The following CAPN7 variants were observed in gnomAD, a reference collection of about 807,000 sequenced individuals.
CAPN7 encodes the protein calpain-7.
CAPN7 carries 72 observed loss-of-function variants against 115.2 expected under a neutral mutation model. The ratio of observed to expected loss-of-function variants is 0.63; its 90% CI spans 0.52 to 0.76. The LOEUF is 0.76. CAPN7 is among the 30% of genes least tolerant of loss of function. The pLI is 0.00. For missense variants in CAPN7, 905 were observed against 971.5 expected (o/e 0.93, Z 0.91); for synonymous variants, 344 against 322.3 (o/e 1.07, Z -0.72).
rs548299729 is a variant in CAPN7, at chr3:15,245,419, G to T, written c.1865-107G>T. The T allele has an allele frequency of 4.2e-6, 4 of 959,280 alleles. No homozygotes were observed. In the East Asian group the frequency reaches 1.0e-4, roughly 24 times the overall value. The allele number at this position is 959,280 out of a possible 1,614,324, so 59.4% of individuals were successfully genotyped here. A position where few individuals can be genotyped will look rare whatever the true frequency, so the allele number is the denominator to read the frequency against. On this transcript the variant is annotated intron_variant, in intron 16 of 20. Transcript: ENST00000253693. ...CTAATATCATTATATTTTAAGGAGA[G>T]AATCAGTTAAGGAGATGTCCATCCA...
chr3:15,218,224 G>A (rs911775235), intron 3 of CAPN7, among the ~76,000 whole-genome samples: 2 of 152,190 alleles, frequency 1.3e-5, no homozygotes, highest in African/African-American at 2.4e-5. Flanking sequence ...GCGTTCCACA[G>A]CACTATGGTC....
chr3:15,250,789 G>A (rs1695961128), intron 19 of CAPN7, 142 bp from the exon 20 acceptor site: 1 of 604,146 alleles, frequency 1.7e-6, no homozygotes, highest in African/African-American at 1.9e-5. Flanking sequence ...GGTGTGTTAT[G>A]ATCAAAAATA....
chr3:15,225,337 C>G (rs138453964), intron 6 of CAPN7, among the ~76,000 whole-genome samples: 101 of 152,274 alleles, frequency 6.6e-4, no homozygotes, highest in African/African-American at 2.3e-3. Context: ...AGCGATTTAT[C>G]ATTGTTGTTA....
chr3:15,224,410 C>T (rs1423022044), intron 6 of CAPN7, among the ~76,000 whole-genome samples: 1 of 151,848 alleles, frequency 6.6e-6, no homozygotes, highest in Non-Finnish European at 1.5e-5. Flanking sequence ...ATAGCTGGGA[C>T]CGCAGGCATG....
At chr3:15,207,496 AACCTT>A (rs565878484) in intron 1 of CAPN7, among the ~76,000 whole-genome samples, 85 of 152,300 alleles carry the variant, frequency 5.6e-4, no homozygotes, top group African/African-American at 1.9e-3. Flanking sequence ...GTAATAAACT[AACCTT>A]AGCTTACGGT....
rs192276642 is a variant in CAPN7, at chr3:15,245,208, C to T, written c.1865-318C>T. 2.8e-3 allele frequency among the ~76,000 whole-genome samples: 411 copies of T among 144,802 alleles called. 5 individuals are homozygous for T. Among genetic ancestry groups the T allele is most frequent in the African/African-American group, 0.01 (391 of 37,282 alleles). The allele number at this position is 144,802 out of a possible 152,430, so 95.0% of individuals were successfully genotyped here. On this transcript the variant is annotated intron_variant, in intron 16 of 20. Coordinates refer to ENST00000253693, the MANE Select transcript of CAPN7 (RefSeq NM_014296.3). ...TTTAAATTTCATCTCAAAAAAAAAA[C>T]TAATCCTGACTTTAAGATCCTCTAC...
chr3:15,225,561 TGGAAAA>T (rs2124934584), intron 6 of CAPN7, among the ~76,000 whole-genome samples: 2 of 152,336 alleles, frequency 1.3e-5, no homozygotes, highest in Admixed American at 1.3e-4. Context: ...ATAATATAAT[TGGAAAA>T]GTAAAATACG....
Position 15,235,107 on chromosome 3 carries a change from A to G in CAPN7, c.1369A>G (p.Thr457Ala). The change falls in exon 12 of 21, where the codon ACA (threonine) becomes GCA (alanine). Residue 457 changes from threonine (T) to alanine (A), a missense_variant. By Grantham distance (58) the Thr-to-Ala change is moderately conservative. Transcript: ENST00000253693. ...AGGAGAGAAGTGGGGTCTGGTTCCC[A>G]CACACGCATATGCTGTTTTGGATAT... ...AEGEKWGLVP[T>A]HAYAVLDIRE... 6.2e-7 allele frequency: 1 copy of G among 1,613,818 alleles called. No homozygotes were observed. Among genetic ancestry groups the G allele is most frequent in the Middle Eastern group, 1.6e-4 (1 of 6,062 alleles).
chr3:15,242,646 G>T (rs771525084), intron 16 of CAPN7, among the ~76,000 whole-genome samples: 1 of 152,050 alleles, frequency 6.6e-6, no homozygotes, highest in Non-Finnish European at 1.5e-5. Flanking sequence ...TCATGCCCCA[G>T]CTTCTCACAG....
intron 7 of CAPN7, 101 bp downstream of exon 7, chr3:15,228,066 G>A (rs1172379249): frequency 6.3e-6 from 5 of 792,052 alleles, no homozygotes; most frequent in South Asian, 4.6e-5. Flanking sequence ...ATATATTCAG[G>A]TACAGAAGTG....
Position 15,247,353 on chromosome 3 carries a change from TG to T in CAPN7, c.2101del (p.Ala701LeufsTer21). On this transcript the variant is annotated frameshift_variant, in exon 19 of 21. Coordinates refer to ENST00000253693, the MANE Select transcript of CAPN7 (RefSeq NM_014296.3). LOFTEE classifies it high-confidence loss of function. Reference protein sequence around the residue: ...RINGKWSGQSAGGCGNFQETH... With the variant: ...RINGKWSGQSXGGCGNFQETH... ...TTAATGGAAAGTGGAGTGGTCAGAG[TG>T]CTGGAGGATGTGGAAATTTCCAAGA... 1 of 1,606,594 alleles carries T rather than the reference TG, an allele frequency of 6.2e-7. No homozygotes were observed. The highest frequency in any genetic ancestry group is 8.5e-7 in the Non-Finnish European group (1 of 1,176,740).
intron 6 of CAPN7, among the ~76,000 whole-genome samples, chr3:15,227,029 T>A (rs1295384782): frequency 6.6e-6 from 1 of 151,344 alleles, no homozygotes; most frequent in Non-Finnish European, 1.5e-5. Flanking sequence ...TCAGGAAGGC[T>A]GGTATCAGCC....
At chr3:15,207,841 G>A (rs1196854965) in intron 1 of CAPN7, among the ~76,000 whole-genome samples, 1 of 152,046 alleles carries the variant, frequency 6.6e-6, no homozygotes. Flanking sequence ...ACATGTCAGA[G>A]ACTGTTTTAT....
intron 6 of CAPN7, 82 bp downstream of exon 6, chr3:15,223,643 T>A: frequency 3.6e-6 from 3 of 836,806 alleles, no homozygotes; most frequent in Non-Finnish European, 3.8e-6. Context: ...GCCTTGAAAT[T>A]AAAATTTGTA....
intron 19 of CAPN7, 28 bp from the exon 20 acceptor site, chr3:15,250,903 C>G: frequency 7.1e-7 from 1 of 1,401,544 alleles, no homozygotes; most frequent in Non-Finnish European, 1.0e-6. Flanking sequence ...TATATTAATA[C>G]AGTAATTCTG....
At position 15,252,356 on chromosome 3, in the gene CAPN7, T is replaced by C. The variant is rs1447063221; in HGVS notation, c.*1096T>C. 1 of 152,644 alleles carries C rather than the reference T, an allele frequency of 6.6e-6. No homozygotes were observed. Among genetic ancestry groups the C allele is most frequent in the Non-Finnish European group, 1.5e-5 (1 of 68,016 alleles). The allele number at this position is 152,644 out of a possible 1,614,324, so 9.5% of individuals were successfully genotyped here. A position where few individuals can be genotyped will look rare whatever the true frequency, so the allele number is the denominator to read the frequency against. ...GAAAGATTTCATCTGTCGTGTTTCA[T>C]GTAAATGAGAACAGATTATTTGCAT... On this transcript the variant is annotated 3_prime_UTR_variant, in exon 21 of 21. Transcript: ENST00000253693.
At chr3:15,246,225 A>C (rs1282470796) in intron 17 of CAPN7, 2 of 155,194 alleles carry the variant, frequency 1.3e-5, no homozygotes, top group Non-Finnish European at 2.8e-5. Flanking sequence ...GGTGTCAGCC[A>C]CTGCACCCAG....
chr3:15,227,999 G>A, intron 7 of CAPN7, 34 bp downstream of exon 7: 5 of 1,378,528 alleles, frequency 3.6e-6, no homozygotes, highest in Non-Finnish European at 4.7e-6. Flanking sequence ...TTATAGAAAA[G>A]TCAGCATTTT....
intron 5 of CAPN7, among the ~76,000 whole-genome samples, chr3:15,222,749 T>C (rs928459447): frequency 2.0e-5 from 3 of 152,230 alleles, no homozygotes; most frequent in African/African-American, 7.2e-5. Context: ...CTATCCTTCA[T>C]GCGAGTGAAA....
Sources: allele counts gnomAD v4.1 joint callset (sites outside exome capture counted in the v4.1 genomes callset), GRCh38; gene constraint gnomAD v4.1.1; transcripts MANE v1.5; gene names NCBI Gene and HGNC (gene_info 2026-07-23, HGNC 2026-07-21).